The following NUTF2 variants were observed in gnomAD, a reference collection of about 807,000 sequenced individuals.
NUTF2 encodes the protein nuclear transport factor 2.
Under a neutral mutation model 18.5 loss-of-function variants are expected in NUTF2, and 3 were observed. The ratio of observed to expected loss-of-function variants is 0.16; its 90% CI spans 0.07 to 0.42. The LOEUF (loss-of-function observed/expected upper bound fraction) is 0.42, where lower values mean the gene tolerates loss of function less well. Ranked by LOEUF, NUTF2 falls within the 10% of genes least tolerant of loss-of-function variation. The pLI, the probability that NUTF2 is intolerant of heterozygous loss-of-function variation, is 0.99. For synonymous variants in NUTF2, 51 were observed against 57.9 expected (o/e 0.88, Z 0.54); for missense variants, 44 against 160.7 (o/e 0.27, Z 3.93).
chr16:67,858,595 C>A (rs2057913920), intron 1 of NUTF2, among the ~76,000 whole-genome samples: 1 of 152,168 alleles, frequency 6.6e-6, no homozygotes, highest in African/African-American at 2.4e-5. Context: ...GCAGCAGTTA[C>A]AAAGCCCTGC....
At chr16:67,856,326 G>T (rs1175049442) in intron 1 of NUTF2, among the ~76,000 whole-genome samples, 1 of 151,794 alleles carries the variant, frequency 6.6e-6, no homozygotes, top group Non-Finnish European at 1.5e-5. Flanking sequence ...TGAGTAGCTG[G>T]GATTACAGGC....
intron 1 of NUTF2, among the ~76,000 whole-genome samples, chr16:67,861,554 A>C (rs1156387220): frequency 1.3e-5 from 2 of 152,198 alleles, no homozygotes; most frequent in African/African-American, 4.8e-5. Flanking sequence ...TTGCACTCAC[A>C]GAGACCTAAG....
chr16:67,855,932 G>T, intron 1 of NUTF2: 2 of 751,468 alleles, frequency 2.7e-6, no homozygotes, highest in South Asian at 4.0e-5. Flanking sequence ...ATTTCATTGC[G>T]GGGAGTGGGC....
At chr16:67,854,802 G>T (rs553638996) in intron 1 of NUTF2, among the ~76,000 whole-genome samples, 1 of 152,260 alleles carries the variant, frequency 6.6e-6, no homozygotes, top group Non-Finnish European at 1.5e-5. Flanking sequence ...CAAAAAATTA[G>T]CAGGGCATGG....
At chr16:67,861,481 C>G (rs1222133550) in intron 1 of NUTF2, among the ~76,000 whole-genome samples, 1 of 152,236 alleles carries the variant, frequency 6.6e-6, no homozygotes, top group Non-Finnish European at 1.5e-5. Flanking sequence ...GCTGGGGCAT[C>G]TCTACCTCTG....
chr16:67,854,920 C>T (rs1367197707), intron 1 of NUTF2, among the ~76,000 whole-genome samples: 1 of 151,090 alleles, frequency 6.6e-6, no homozygotes, highest in Non-Finnish European at 1.5e-5. Context: ...CCAGCCTGGG[C>T]GACAAAGGGA....
At chr16:67,856,681 TGTA>T (rs2057900362) in intron 1 of NUTF2, among the ~76,000 whole-genome samples, 1 of 151,930 alleles carries the variant, frequency 6.6e-6, no homozygotes, top group South Asian at 2.1e-4. Flanking sequence ...GCCAATTTTT[TGTA>T]TTTTTTATAG....
At chr16:67,854,059 T>C (rs1683909540) in intron 1 of NUTF2, among the ~76,000 whole-genome samples, 1 of 152,192 alleles carries the variant, frequency 6.6e-6, no homozygotes, top group African/African-American at 2.4e-5. Context: ...CAAGCAATTC[T>C]CCTGCCTCAG....
intron 1 of NUTF2, among the ~76,000 whole-genome samples, chr16:67,855,185 A>ATGGATTATCCTTGGAGTGACTTGGTC (rs2057886988): frequency 6.6e-6 from 1 of 150,820 alleles, no homozygotes; most frequent in Non-Finnish European, 1.5e-5. Flanking sequence ...CCAGCAGTGT[A>ATGGATTATCCTTGGAGTGACTTGGTC]TGGATTATCC....
chr16:67,867,041 G>A (rs1297585017), intron 2 of NUTF2, among the ~76,000 whole-genome samples: 1 of 150,170 alleles, frequency 6.7e-6, no homozygotes, highest in African/African-American at 2.5e-5. Context: ...ATGCGATTTT[G>A]GCTCACTGCA....
At chr16:67,868,211 T>G (rs1255908771) in intron 2 of NUTF2, 129 bp from the exon 3 acceptor site, 2 of 743,964 alleles carry the variant, frequency 2.7e-6, no homozygotes, top group Non-Finnish European at 2.2e-6. Context: ...CTCAGTCTCC[T>G]TCTTTAGACA....
intron 1 of NUTF2, among the ~76,000 whole-genome samples, chr16:67,852,719 G>C (rs902753409): frequency 6.6e-6 from 1 of 150,878 alleles, no homozygotes; most frequent in Admixed American, 6.6e-5. Flanking sequence ...CGCTCTTATT[G>C]CCCAGGCTGG....
At chr16:67,855,406 C>G (rs562512621) in intron 1 of NUTF2, among the ~76,000 whole-genome samples, 7 of 152,206 alleles carry the variant, frequency 4.6e-5, no homozygotes, top group Non-Finnish European at 8.8e-5. Flanking sequence ...CCAAGAACTT[C>G]TTTTCATTGT....
chr16:67,859,265 C>T (rs2057918495), intron 1 of NUTF2, among the ~76,000 whole-genome samples: 6 of 151,622 alleles, frequency 4.0e-5, no homozygotes, highest in Admixed American at 3.3e-4. Context: ...CTGCAACCTC[C>T]ACCTCTCAGG....
At chr16:67,865,025 T>G in intron 1 of NUTF2, 77 bp from the exon 2 acceptor site, 1 of 695,890 alleles carries the variant, frequency 1.4e-6, no homozygotes. Context: ...GGAAGGCCAG[T>G]GAGGGGTGGG....
chr16:67,851,607 A>G (rs1179220038), intron 1 of NUTF2, among the ~76,000 whole-genome samples: 1 of 152,086 alleles, frequency 6.6e-6, no homozygotes, highest in Non-Finnish European at 1.5e-5. Context: ...TGCTGCACCC[A>G]TTAACTCGTC....
At chr16:67,865,053 C>T in intron 1 of NUTF2, 49 bp from the exon 2 acceptor site, 2 of 939,368 alleles carry the variant, frequency 2.1e-6, no homozygotes, top group Non-Finnish European at 3.4e-6. Context: ...GGCTGGTCAC[C>T]TACTCTCATG....
At chr16:67,850,365 C>A (rs150781363) in intron 1 of NUTF2, among the ~76,000 whole-genome samples, 1 of 151,880 alleles carries the variant, frequency 6.6e-6, no homozygotes, top group African/African-American at 2.4e-5. Flanking sequence ...CCACCACGCC[C>A]GGCTAATTTT....
intron 1 of NUTF2, among the ~76,000 whole-genome samples, chr16:67,854,852 G>T (rs1235122007): frequency 1.3e-5 from 2 of 152,146 alleles, no homozygotes; most frequent in African/African-American, 2.4e-5. Context: ...GGAGGCAAGA[G>T]AATTGCTTGA....
Sources: gnomAD v4.1 joint callset for allele counts (sites outside exome capture counted in the v4.1 genomes callset) on GRCh38, gnomAD v4.1.1 for gene constraint, MANE v1.5 for transcripts, NCBI Gene and HGNC (gene_info 2026-07-23, HGNC 2026-07-21) for gene names.